Variants in CDH18 observed in about 807,000 individuals in gnomAD.
CDH18 encodes the protein cadherin 18.
CDH18 carries 31 observed loss-of-function variants against 67.9 expected under a neutral mutation model. That is an observed-to-expected ratio of 0.46 (90% CI 0.34 to 0.62). The LOEUF (loss-of-function observed/expected upper bound fraction) is 0.62, where lower values mean the gene tolerates loss of function less well. Among genes scored for constraint, CDH18 ranks in the 20% least tolerant of loss-of-function variants. The pLI, the probability that CDH18 is intolerant of heterozygous loss-of-function variation, is 0.01. For missense variants in CDH18, 890 were observed against 975.5 expected (o/e 0.91, Z 1.17); for synonymous variants, 362 against 347.2 (o/e 1.04, Z -0.48).
At chr5:20,371,015 C>T (rs542055094) in intron 1 of CDH18, among the ~76,000 whole-genome samples, 13 of 148,578 alleles carry the variant, frequency 8.7e-5, no homozygotes, top group African/African-American at 2.3e-4. Flanking sequence ...CCACCCTGGG[C>T]GACAGGGCGA....
intron 1 of CDH18, among the ~76,000 whole-genome samples, chr5:20,494,991 G>A (rs1273390531): frequency 6.6e-6 from 1 of 152,136 alleles, no homozygotes; most frequent in Non-Finnish European, 1.5e-5. Flanking sequence ...TCTCTGTTAG[G>A]TGCAACTCCA....
intron 1 of CDH18, among the ~76,000 whole-genome samples, chr5:20,510,406 T>C (rs1288036835): frequency 3.3e-5 from 5 of 152,200 alleles, no homozygotes; most frequent in African/African-American, 1.2e-4. Flanking sequence ...CATTTTAGTT[T>C]ATGTAACCTC....
intron 1 of CDH18, among the ~76,000 whole-genome samples, chr5:20,469,510 C>A (rs1408110904): frequency 6.6e-6 from 1 of 152,110 alleles, no homozygotes; most frequent in South Asian, 2.1e-4. Context: ...TTTCTTCAAC[C>A]TTTTCACTCA....
At chr5:19,478,043 A>C (rs776534712) in intron 12 of CDH18, among the ~76,000 whole-genome samples, 1 of 152,126 alleles carries the variant, frequency 6.6e-6, no homozygotes, top group Admixed American at 6.6e-5. Context: ...AATTAGAATA[A>C]ATTTGTGGAG....
At chr5:20,402,090 C>T (rs917364598) in intron 1 of CDH18, among the ~76,000 whole-genome samples, 1 of 152,118 alleles carries the variant, frequency 6.6e-6, no homozygotes, top group African/African-American at 2.4e-5. Context: ...AAAATTTGTA[C>T]TTTCTTTTCA....
chr5:20,086,461 T>C (rs1188797861), intron 2 of CDH18, among the ~76,000 whole-genome samples: 1 of 152,154 alleles, frequency 6.6e-6, no homozygotes, highest in Non-Finnish European at 1.5e-5. Flanking sequence ...GATAAAACAG[T>C]CTTCCATTGG....
intron 1 of CDH18, among the ~76,000 whole-genome samples, chr5:20,467,994 G>GTACT (rs202024863): frequency 0.012 from 1,331 of 110,404 alleles, 14 homozygotes; most frequent in African/African-American, 0.037. Flanking sequence ...TTTTATTTAT[G>GTACT]TATTTATTTA....
chr5:19,563,816 T>G (rs1739883287), intron 8 of CDH18, among the ~76,000 whole-genome samples: 1 of 152,148 alleles, frequency 6.6e-6, no homozygotes, highest in Non-Finnish European at 1.5e-5. Context: ...AATGGGGCAC[T>G]GAAGAGCACA....
intron 1 of CDH18, among the ~76,000 whole-genome samples, chr5:20,269,912 A>G (rs1745313222): frequency 6.6e-6 from 1 of 152,092 alleles, no homozygotes; most frequent in Non-Finnish European, 1.5e-5. Context: ...GAATTCAAAA[A>G]TAAAGATAGC....
At chr5:20,232,895 T>A (rs1239539316) in intron 2 of CDH18, among the ~76,000 whole-genome samples, 1 of 151,976 alleles carries the variant, frequency 6.6e-6, no homozygotes, top group African/African-American at 2.4e-5. Flanking sequence ...AGTATTCCAT[T>A]TTAGTTCCCA....
chr5:20,120,166 C>T (rs1561806324), intron 2 of CDH18, among the ~76,000 whole-genome samples: 1 of 151,962 alleles, frequency 6.6e-6, no homozygotes, highest in African/African-American at 2.4e-5. Context: ...ATCAGTGGTG[C>T]AGTATGCTAA....
intron 2 of CDH18, among the ~76,000 whole-genome samples, chr5:19,922,471 A>G (rs1238903348): frequency 6.6e-6 from 1 of 152,212 alleles, no homozygotes; most frequent in Non-Finnish European, 1.5e-5. Context: ...CCTGTCATAT[A>G]AGCATCAAAT....
At chr5:20,276,037 C>A (rs1297942811) in intron 1 of CDH18, among the ~76,000 whole-genome samples, 1 of 152,182 alleles carries the variant, frequency 6.6e-6, no homozygotes, top group Non-Finnish European at 1.5e-5. Flanking sequence ...CATAATGTGA[C>A]TTCCAGCAAG....
rs1181776347 is a variant in CDH18, at chr5:19,693,569, T to C, written c.643+27778A>G. Among the ~76,000 whole-genome samples, 3 of 152,260 alleles carry C rather than the reference T, an allele frequency of 2.0e-5. No individual in the cohort carries two copies. In the East Asian group the frequency reaches 5.8e-4, roughly 29 times the overall value. ...TTTTCCAAATTGTACTCATAATTTG[T>C]CTACAAACTAAGGCATTGTAAATGC... On this transcript the variant is annotated intron_variant, in intron 5 of 12. Coordinates refer to ENST00000382275, the MANE Select transcript of CDH18 (RefSeq NM_004934.5).
intron 2 of CDH18, among the ~76,000 whole-genome samples, chr5:19,875,446 C>A (rs142542260): frequency 3.6e-4 from 51 of 140,470 alleles, no homozygotes; most frequent in African/African-American, 1.4e-3. Flanking sequence ...ATAGATCGAT[C>A]GATCTATAGA....
intron 5 of CDH18, among the ~76,000 whole-genome samples, chr5:19,671,130 T>G (rs927235662): frequency 6.6e-6 from 1 of 152,034 alleles, no homozygotes; most frequent in South Asian, 2.1e-4. Context: ...GTTTAAGAAA[T>G]TACGTTATTC....
At chr5:19,954,308 T>C (rs550430192) in intron 2 of CDH18, among the ~76,000 whole-genome samples, 3 of 152,212 alleles carry the variant, frequency 2.0e-5, no homozygotes, top group African/African-American at 4.8e-5. Flanking sequence ...TGTTTTTCTT[T>C]GGTTTAATTT....
intron 1 of CDH18, among the ~76,000 whole-genome samples, chr5:20,465,504 A>G (rs1288380484): frequency 6.6e-6 from 1 of 151,964 alleles, no homozygotes; most frequent in Non-Finnish European, 1.5e-5. Context: ...TAAAAAGTCA[A>G]TTACATTATC....
intron 2 of CDH18, among the ~76,000 whole-genome samples, chr5:19,874,015 G>A (rs896618274): frequency 2.0e-5 from 3 of 152,120 alleles, no homozygotes; most frequent in African/African-American, 7.2e-5. Flanking sequence ...AGAACATGTT[G>A]CAACACATAA....
Sources: allele counts gnomAD v4.1 joint callset (sites outside exome capture counted in the v4.1 genomes callset), GRCh38; gene constraint gnomAD v4.1.1; transcripts MANE v1.5; gene names NCBI Gene and HGNC (gene_info 2026-07-23, HGNC 2026-07-21).